Variants in CNOT2 observed in about 807,000 individuals in gnomAD.
The protein encoded by CNOT2 is CCR4-NOT transcription complex subunit 2, also known as CC chemokine receptor 4-negative regulator of transcription 2.
A neutral mutation model predicts 72.1 loss-of-function variants in CNOT2; 7 were observed. The observed-to-expected ratio is 0.10, with a 90% confidence interval of 0.06 to 0.18. CNOT2 has a LOEUF of 0.18. Ranked by LOEUF, CNOT2 falls within the 10% of genes least tolerant of loss-of-function variation. The pLI, the probability that CNOT2 is intolerant of heterozygous loss-of-function variation, is 1.00. For missense variants in CNOT2, 345 were observed against 660.3 expected (o/e 0.52, Z 5.23); for synonymous variants, 196 against 225.6 (o/e 0.87, Z 1.17).
intron 1 of CNOT2, among the ~76,000 whole-genome samples, chr12:70,258,447 T>C (rs1958562005): frequency 6.6e-6 from 1 of 152,242 alleles, no homozygotes; most frequent in African/African-American, 2.4e-5. Context: ...CAAAATCACT[T>C]TCATATCTGT....
At chr12:70,283,304 T>C (rs1188116930) in intron 2 of CNOT2, among the ~76,000 whole-genome samples, 2 of 152,024 alleles carry the variant, frequency 1.3e-5, no homozygotes, top group Non-Finnish European at 2.9e-5. Flanking sequence ...CTTAATAAAA[T>C]AAAATCATAG....
intron 1 of CNOT2, among the ~76,000 whole-genome samples, chr12:70,268,059 A>T (rs1959136828): frequency 6.6e-6 from 1 of 152,090 alleles, no homozygotes; most frequent in East Asian, 1.9e-4. Context: ...CATATTTTCC[A>T]TTTTTTTCCC....
intron 3 of CNOT2, among the ~76,000 whole-genome samples, chr12:70,313,630 G>A (rs1876842343): frequency 6.6e-6 from 1 of 151,844 alleles, no homozygotes; most frequent in Admixed American, 6.6e-5. Context: ...TTCCCTTAAA[G>A]AACCAGATAG....
chr12:70,271,571 C>A (rs945881961), intron 1 of CNOT2, among the ~76,000 whole-genome samples: 1 of 151,818 alleles, frequency 6.6e-6, no homozygotes, highest in Admixed American at 6.6e-5. Flanking sequence ...ATGGGGTGTG[C>A]CATGTTGGCC....
intron 2 of CNOT2, among the ~76,000 whole-genome samples, chr12:70,281,899 C>T (rs1869928910): frequency 1.7e-5 from 2 of 115,462 alleles, no homozygotes; most frequent in Non-Finnish European, 4.2e-5. Flanking sequence ...ACATTAACCA[C>T]ATTTCAAATG....
At chr12:70,257,866 A>G (rs1958538383) in intron 1 of CNOT2, among the ~76,000 whole-genome samples, 1 of 152,118 alleles carries the variant, frequency 6.6e-6, no homozygotes, top group African/African-American at 2.4e-5. Context: ...TTATCTTCCA[A>G]AGCTTTTAAT....
At chr12:70,304,818 C>G (rs1039908657) in intron 2 of CNOT2, among the ~76,000 whole-genome samples, 1 of 152,204 alleles carries the variant, frequency 6.6e-6, no homozygotes, top group African/African-American at 2.4e-5. Context: ...GTGGTGGGCT[C>G]CACCCAGTTC....
intron 1 of CNOT2, among the ~76,000 whole-genome samples, chr12:70,262,925 G>T (rs1305497031): frequency 6.6e-6 from 1 of 151,882 alleles, no homozygotes; most frequent in Admixed American, 6.6e-5. Flanking sequence ...TGTCTACCTC[G>T]GCCTCTCAAA....
chr12:70,288,299 A>G (rs1047216921), intron 2 of CNOT2, among the ~76,000 whole-genome samples: 2 of 151,640 alleles, frequency 1.3e-5, no homozygotes, highest in African/African-American at 4.8e-5. Context: ...ACCTGCCACC[A>G]TGTTCAGCTA....
intron 4 of CNOT2, among the ~76,000 whole-genome samples, chr12:70,324,606 T>G (rs1478742773): frequency 6.6e-6 from 1 of 151,776 alleles, no homozygotes; most frequent in Non-Finnish European, 1.5e-5. Context: ...ACTTGGGAGA[T>G]CCACACAGCT....
intron 4 of CNOT2, 120 bp from the exon 5 acceptor site, chr12:70,329,303 T>G (rs1879574765): frequency 1.6e-6 from 1 of 626,760 alleles, no homozygotes; most frequent in Non-Finnish European, 2.8e-6. Flanking sequence ...AATATATCCA[T>G]TTAAAATTTG....
chr12:70,347,222 A>G (rs1245882130), intron 15 of CNOT2, among the ~76,000 whole-genome samples: 7 of 152,098 alleles, frequency 4.6e-5, no homozygotes, highest in African/African-American at 1.7e-4. Flanking sequence ...GTTTGTTTGT[A>G]GTTTTGAATC....
intron 3 of CNOT2, among the ~76,000 whole-genome samples, chr12:70,316,129 C>G (rs531908938): frequency 2.7e-4 from 41 of 152,118 alleles, no homozygotes; most frequent in Non-Finnish European, 4.7e-4. Context: ...ATTGGTTGTT[C>G]CATAGGTAAG....
At chr12:70,268,444 A>G (rs1959151561) in intron 1 of CNOT2, among the ~76,000 whole-genome samples, 1 of 152,034 alleles carries the variant, frequency 6.6e-6, no homozygotes. Flanking sequence ...GAAGAAAGTA[A>G]AATTTATTTG....
Position 70,303,642 on chromosome 12 carries a change from C to G in CNOT2, c.49-7253C>G, listed in dbSNP as rs903203897. On this transcript the variant is annotated intron_variant, in intron 2 of 15. Coordinates refer to ENST00000229195, the MANE Select transcript of CNOT2 (RefSeq NM_014515.7). Reference sequence around the variant, plus strand: ...TAACCCGACCTTTCTCTCTGGATGCCCTTAACATTTTTTCCTTCATTTCAA... The same window carrying G: ...TAACCCGACCTTTCTCTCTGGATGCGCTTAACATTTTTTCCTTCATTTCAA... Among the ~76,000 whole-genome samples, 3 of 152,222 alleles carry G rather than the reference C, an allele frequency of 2.0e-5. No homozygotes were observed. The South Asian group carries it at 6.2e-4, about 32-fold the overall frequency.
chr12:70,267,139 T>C (rs1280401672), intron 1 of CNOT2, among the ~76,000 whole-genome samples: 1 of 152,332 alleles, frequency 6.6e-6, no homozygotes, highest in South Asian at 2.1e-4. Context: ...AATTTACTTA[T>C]TATGTCAGTT....
Position 70,319,376 on chromosome 12 carries a change from G to A in CNOT2, c.238+12G>A, listed in dbSNP as rs1226986030. 4 of 1,608,204 alleles carry A rather than the reference G, an allele frequency of 2.5e-6. No homozygotes were observed. Among genetic ancestry groups the A allele is most frequent in the Non-Finnish European group, 3.4e-6 (4 of 1,175,932 alleles). Reference sequence around the variant, plus strand: ...ATACGGGCAACAAAGTAAGAATTTTGTATTTATTCTGGGATACTTTATTTA... The same window carrying A: ...ATACGGGCAACAAAGTAAGAATTTTATATTTATTCTGGGATACTTTATTTA... On this transcript the variant is annotated intron_variant, in intron 4 of 15. Coordinates refer to ENST00000229195, the MANE Select transcript of CNOT2 (RefSeq NM_014515.7).
At chr12:70,279,791 A>G (rs1049599653) in intron 2 of CNOT2, among the ~76,000 whole-genome samples, 2 of 152,230 alleles carry the variant, frequency 1.3e-5, no homozygotes, top group African/African-American at 4.8e-5. Context: ...TAGAATTCCA[A>G]AATTTATACT....
At chr12:70,309,993 A>G (rs1876172496) in intron 2 of CNOT2, among the ~76,000 whole-genome samples, 3 of 152,086 alleles carry the variant, frequency 2.0e-5, no homozygotes, top group Admixed American at 2.0e-4. Flanking sequence ...CTGAACATGT[A>G]CAGACTGTTT....
Sources: gnomAD v4.1 joint callset for allele counts (sites outside exome capture counted in the v4.1 genomes callset) on GRCh38, gnomAD v4.1.1 for gene constraint, MANE v1.5 for transcripts, NCBI Gene and HGNC (gene_info 2026-07-23, HGNC 2026-07-21) for gene names.